The following RMDN2 variants were observed in gnomAD, a reference collection of about 807,000 sequenced individuals.
The protein encoded by RMDN2 is regulator of microtubule dynamics protein 2.
RMDN2 carries 61 observed loss-of-function variants against 52.8 expected under a neutral mutation model. The ratio of observed to expected loss-of-function variants is 1.16; its 90% CI spans 0.94 to 1.43. The LOEUF (loss-of-function observed/expected upper bound fraction) is 1.43. Among genes scored for constraint, RMDN2 ranks in the 40% most tolerant of loss-of-function variants. The pLI, the probability that RMDN2 is intolerant of heterozygous loss-of-function variation, is 0.00. For synonymous variants in RMDN2, 180 were observed against 153.1 expected, an observed-to-expected ratio of 1.18 and a Z score of -1.30; for missense variants, 592 against 475.3, an observed-to-expected ratio of 1.25 and a Z score of -2.28.
chr2:37,971,357 T>C (rs577103494), intron 2 of RMDN2, among the ~76,000 whole-genome samples: 1 of 152,160 alleles, frequency 6.6e-6, no homozygotes, highest in Non-Finnish European at 1.5e-5. Flanking sequence ...TAAACTGTCT[T>C]GGCACTCTTA....
chr2:37,997,888 C>T (rs1675784854), intron 8 of RMDN2: 1 of 180,200 alleles, frequency 5.5e-6, no homozygotes, highest in Admixed American at 6.1e-5. Context: ...TCCTGATTAG[C>T]CTAACATAGA....
intron 10 of RMDN2, among the ~76,000 whole-genome samples, chr2:38,049,270 G>C (rs1172893361): frequency 6.6e-6 from 1 of 152,102 alleles, no homozygotes; most frequent in Non-Finnish European, 1.5e-5. Flanking sequence ...GGAAGGAAGG[G>C]AAGTTGGGAG....
At chr2:37,964,782 G>A (rs917046993) in intron 2 of RMDN2, among the ~76,000 whole-genome samples, 1 of 152,020 alleles carries the variant, frequency 6.6e-6, no homozygotes, top group Non-Finnish European at 1.5e-5. Flanking sequence ...TTAAAATTGG[G>A]TCATTGAATT....
intron 8 of RMDN2, among the ~76,000 whole-genome samples, chr2:37,998,518 C>G (rs559260171): frequency 6.6e-6 from 1 of 152,158 alleles, no homozygotes; most frequent in South Asian, 2.1e-4. Context: ...AGAGCATGAC[C>G]TTATCTCAAA....
At chr2:37,934,770 A>C (rs1467030109) in intron 2 of RMDN2, among the ~76,000 whole-genome samples, 2 of 151,904 alleles carry the variant, frequency 1.3e-5, no homozygotes, top group African/African-American at 4.8e-5. Context: ...TTTCAGTTTC[A>C]ATTTTAAGTT....
intron 2 of RMDN2, chr2:37,950,581 G>A (rs1558458125): frequency 6.2e-7 from 1 of 1,613,142 alleles, no homozygotes; most frequent in Admixed American, 1.7e-5. Context: ...AATTTACAAT[G>A]GGAAAGTGCT....
At chr2:38,006,245 C>T in intron 10 of RMDN2, among the ~76,000 whole-genome samples, 1 of 152,122 alleles carries the variant, frequency 6.6e-6, no homozygotes, top group Non-Finnish European at 1.5e-5. Flanking sequence ...TGAAGAAAGT[C>T]ATTGGTAGCT....
rs1167238435 is a variant in RMDN2, at chr2:38,067,058, G to A, written c.*68G>A. 5 of 1,501,976 alleles carry A rather than the reference G, an allele frequency of 3.3e-6. No individual in the cohort carries two copies. In the African/African-American group the frequency reaches 5.5e-5, roughly 17 times the overall value. 93.0% of individuals were successfully genotyped at this position (1,501,976 alleles called of 1,614,324 possible). A position where few individuals can be genotyped will look rare whatever the true frequency, so the allele number is the denominator to read the frequency against. ...TGTGAGTGTGGCACAGTGAAGGCCTGGAGAGTCATGACCTAGGCCCTGTGA... is the reference window on the plus strand; with the variant it reads ...TGTGAGTGTGGCACAGTGAAGGCCTAGAGAGTCATGACCTAGGCCCTGTGA... On this transcript the variant is annotated 3_prime_UTR_variant, in exon 11 of 11. Transcript: ENST00000234195.
At chr2:37,974,640 A>G (rs1292341087) in intron 3 of RMDN2, 5 of 47,070 alleles carry the variant, frequency 1.1e-4, no homozygotes, top group African/African-American at 9.3e-4. Flanking sequence ...CACCACCACT[A>G]AAAAAAATAA....
upstream of RMDN2, among the ~76,000 whole-genome samples, chr2:37,920,988 A>G (rs1330469744): frequency 6.6e-6 from 1 of 152,256 alleles, no homozygotes; most frequent in Admixed American, 6.5e-5. Context: ...GACTTTTTTC[A>G]TGGAACAAAA....
At chr2:38,003,894 C>G (rs1676693417) in intron 8 of RMDN2, 97 bp from the exon 9 acceptor site, 3 of 970,732 alleles carry the variant, frequency 3.1e-6, no homozygotes, top group Non-Finnish European at 4.9e-6. Context: ...CAGTTTGGTT[C>G]ATAATATTTG....
chr2:38,003,262 A>G lies in RMDN2; in HGVS notation c.1045-729A>G, dbSNP rs138217287. 9.6e-4 allele frequency among the ~76,000 whole-genome samples: 146 copies of G among 152,298 alleles called. No individual in the cohort carries two copies. In the Middle Eastern group the frequency reaches 0.014, roughly 14 times the overall value. On this transcript the variant is annotated intron_variant, in intron 8 of 10. Transcript: ENST00000354545. ...CATGCTCTACTCTTATTTTCTAAAT[A>G]GATAGTGAGGCTGGGAGTGGTGGCT...
intron 10 of RMDN2, among the ~76,000 whole-genome samples, chr2:38,047,505 G>T (rs920429227): frequency 6.6e-6 from 1 of 152,190 alleles, no homozygotes; most frequent in Admixed American, 6.5e-5. Context: ...AGTGAAAGAA[G>T]CTGGATGCAA....
intron 5 of RMDN2, among the ~76,000 whole-genome samples, chr2:37,983,210 A>G (rs770080405): frequency 4.6e-5 from 7 of 152,118 alleles, no homozygotes; most frequent in Non-Finnish European, 7.3e-5. Context: ...TAAATCGTCA[A>G]TTTGAGGTTA....
At chr2:38,020,373 G>A (rs1006113835), downstream of RMDN2, among the ~76,000 whole-genome samples, 1 of 152,176 alleles carries the variant, frequency 6.6e-6, no homozygotes, top group South Asian at 2.1e-4. Flanking sequence ...GCCCTCGCTC[G>A]CTCTCTGCGC....
At chr2:38,047,037 A>C (rs1013941614) in intron 10 of RMDN2, among the ~76,000 whole-genome samples, 1 of 152,148 alleles carries the variant, frequency 6.6e-6, no homozygotes, top group Non-Finnish European at 1.5e-5. Flanking sequence ...AGAAATACTC[A>C]ATATTATGAA....
At chr2:37,987,851 G>A (rs1674240957) in intron 5 of RMDN2, among the ~76,000 whole-genome samples, 2 of 151,408 alleles carry the variant, frequency 1.3e-5, no homozygotes, top group Middle Eastern at 3.4e-3. Flanking sequence ...CTGAGGTCAG[G>A]AGTTCGAGAC....
rs149702043 is a variant in RMDN2 at position 37,975,001 on chromosome 2, A to T, written c.628-211A>T. ...CTGGATAATATTAATTGGTTTTAAG[A>T]TCCAAATGTAACACTACATTAGGTC... On this transcript the variant is annotated intron_variant, in intron 3 of 10. Coordinates refer to ENST00000354545, the MANE Select transcript of RMDN2 (RefSeq NM_001170791.3). 1.5e-3 allele frequency: 781 copies of T among 526,072 alleles called. 12 individuals carry two copies. The East Asian group carries it at 0.022, about 15-fold the overall frequency. 32.6% of individuals were successfully genotyped at this position (526,072 alleles called of 1,614,324 possible). A position where few individuals can be genotyped will look rare whatever the true frequency, so the allele number is the denominator to read the frequency against.
chr2:37,984,377 T>A (rs1237001255), intron 5 of RMDN2, among the ~76,000 whole-genome samples: 1 of 152,220 alleles, frequency 6.6e-6, no homozygotes, highest in East Asian at 1.9e-4. Flanking sequence ...CTCTACCCTT[T>A]GCAAATTATA....
Sources: gnomAD v4.1 joint callset for allele counts (sites outside exome capture counted in the v4.1 genomes callset) on GRCh38, gnomAD v4.1.1 for gene constraint, MANE v1.5 for transcripts, NCBI Gene and HGNC (gene_info 2026-07-23, HGNC 2026-07-21) for gene names.